COL21A1: variants seen among roughly 807,000 people sequenced by gnomAD.
COL21A1 encodes the protein collagen type XXI alpha 1 chain.
COL21A1 carries 149 observed loss-of-function variants against 137.9 expected under a neutral mutation model. The observed-to-expected ratio is 1.08, with a 90% CI of 0.95 to 1.24. The LOEUF is 1.24. COL21A1 is among the 50% of genes most tolerant of loss of function. The pLI, the probability that COL21A1 is intolerant of heterozygous loss-of-function variation, is 0.00. For missense variants in COL21A1, 1,167 were observed against 1,158.4 expected, an observed-to-expected ratio of 1.01 and a Z score of -0.11; for synonymous variants, 456 against 391.5, an observed-to-expected ratio of 1.16 and a Z score of -1.95.
At chr6:56,089,979 C>T (rs953534630) in intron 17 of COL21A1, among the ~76,000 whole-genome samples, 4 of 152,172 alleles carry the variant, frequency 2.6e-5, no homozygotes, top group South Asian at 4.1e-4. Context: ...CAGTGGCTCA[C>T]GCCTGTAATC....
At chr6:56,153,554 G>GAA (rs35787305) in intron 10 of COL21A1, among the ~76,000 whole-genome samples, 3 of 144,016 alleles carry the variant, frequency 2.1e-5, no homozygotes, top group Non-Finnish European at 3.1e-5. Flanking sequence ...ATATCTCTCA[G>GAA]AAAAAAAAAA....
At chr6:56,386,698 T>C (rs2094018986) in intron 1 of COL21A1, among the ~76,000 whole-genome samples, 1 of 152,220 alleles carries the variant, frequency 6.6e-6, no homozygotes, top group African/African-American at 2.4e-5. Context: ...ATTCTGAGCA[T>C]CTTTTTATGA....
intron 24 of COL21A1, among the ~76,000 whole-genome samples, chr6:56,062,104 T>G (rs1388730736): frequency 6.6e-6 from 1 of 152,134 alleles, no homozygotes. Flanking sequence ...TAAAATTAAA[T>G]TTTGATTGGT....
At chr6:56,154,022 C>T (rs1482584456) in intron 10 of COL21A1, among the ~76,000 whole-genome samples, 4 of 152,190 alleles carry the variant, frequency 2.6e-5, no homozygotes, top group Admixed American at 2.6e-4. Flanking sequence ...GGTTTGGATG[C>T]TTGCCCCCTT....
At chr6:56,325,552 T>TA (rs1765025048) in intron 1 of COL21A1, among the ~76,000 whole-genome samples, 1 of 16,098 alleles carries the variant, frequency 6.2e-5, no homozygotes, top group Non-Finnish European at 1.2e-4. Context: ...ATAATACATA[T>TA]ATAATATATA....
chr6:56,380,290 T>A (rs2094006678), intron 1 of COL21A1, among the ~76,000 whole-genome samples: 1 of 152,206 alleles, frequency 6.6e-6, no homozygotes, highest in African/African-American at 2.4e-5. Flanking sequence ...ATGCTTCTTA[T>A]ACAACCTGCA....
At chr6:56,338,316 C>G (rs939175115) in intron 1 of COL21A1, among the ~76,000 whole-genome samples, 28 of 152,114 alleles carry the variant, frequency 1.8e-4, no homozygotes, top group African/African-American at 6.5e-4. Context: ...GCACTTTTCT[C>G]TAACCCAGCT....
chr6:56,289,791 G>A (rs1307950612), intron 1 of COL21A1, among the ~76,000 whole-genome samples: 1 of 151,942 alleles, frequency 6.6e-6, no homozygotes, highest in Admixed American at 6.6e-5. Context: ...TGAGTTTTAG[G>A]TTAAATGAAG....
At chr6:56,219,212 G>A (rs979822295) in intron 1 of COL21A1, among the ~76,000 whole-genome samples, 2 of 63,348 alleles carry the variant, frequency 3.2e-5, no homozygotes, top group African/African-American at 1.8e-4. Flanking sequence ...AGCCAAACTT[G>A]CACCAAAAAA....
chr6:56,224,920 T>A (rs1418820555), intron 1 of COL21A1, among the ~76,000 whole-genome samples: 1 of 151,978 alleles, frequency 6.6e-6, no homozygotes. Flanking sequence ...ATCATCAAAC[T>A]CATGGTGATA....
intron 12 of COL21A1, 41 bp downstream of exon 12, chr6:56,141,744 G>A (rs1164593002): frequency 6.3e-7 from 1 of 1,594,154 alleles, no homozygotes; most frequent in South Asian, 1.1e-5. Flanking sequence ...CTTTATCTTT[G>A]AGGGACTAAC....
intron 12 of COL21A1, among the ~76,000 whole-genome samples, chr6:56,135,730 A>C (rs1163669568): frequency 6.6e-6 from 1 of 152,210 alleles, no homozygotes; most frequent in Non-Finnish European, 1.5e-5. Context: ...AGATTTCTTA[A>C]ATTTGATAAA....
rs1378461099 is a variant in COL21A1 at position 56,164,425 on chromosome 6, T to A, written c.1369A>T (p.Lys457Ter). Reference protein sequence around the residue: ...PPGKPGLQGPKGDPGLPGNPG... With the variant: ...PPGKPGLQGP ...ACAGCAAGTTAGGTGTTACCCACTTTGGGGCCTTGAAGTCCTGGTTTTCCC... is the reference window on the plus strand; with the variant it reads ...ACAGCAAGTTAGGTGTTACCCACTTAGGGGCCTTGAAGTCCTGGTTTTCCC... The change falls in exon 9 of 30, where the codon AAA becomes TAA. Residue 457 changes from lysine to a stop codon, truncating the protein, a stop_gained and splice_region_variant. Transcript: ENST00000244728. LOFTEE classifies it high-confidence loss of function. 1.3e-6 allele frequency: 2 copies of A among 1,576,678 alleles called. No homozygotes were observed. The highest frequency in any genetic ancestry group is 2.3e-5 in the East Asian group (1 of 43,540).
intron 3 of COL21A1, among the ~76,000 whole-genome samples, chr6:56,171,916 C>G (rs1777092942): frequency 6.6e-6 from 1 of 151,376 alleles, no homozygotes; most frequent in Admixed American, 6.6e-5. Flanking sequence ...CTTTAACAAG[C>G]AGAGGGAAAA....
chr6:56,272,601 G>T (rs1582748013), intron 1 of COL21A1, among the ~76,000 whole-genome samples: 1 of 152,124 alleles, frequency 6.6e-6, no homozygotes, highest in African/African-American at 2.4e-5. Flanking sequence ...GATGTGGCTT[G>T]GCTCTGTGTC....
At chr6:56,187,036 C>T (rs558363875) in intron 1 of COL21A1, among the ~76,000 whole-genome samples, 2 of 152,208 alleles carry the variant, frequency 1.3e-5, no homozygotes, top group African/African-American at 4.8e-5. Context: ...GTTGTTATAA[C>T]TCAATACCTG....
At chr6:56,353,172 C>T (rs1198454912) in intron 1 of COL21A1, among the ~76,000 whole-genome samples, 1 of 152,240 alleles carries the variant, frequency 6.6e-6, no homozygotes, top group African/African-American at 2.4e-5. Context: ...CATGGGCTGG[C>T]TTTAGTAGCT....
At chr6:56,338,996 C>A (rs1765402105) in intron 1 of COL21A1, among the ~76,000 whole-genome samples, 1 of 152,174 alleles carries the variant, frequency 6.6e-6, no homozygotes, top group South Asian at 2.1e-4. Context: ...TTTCTTGTCT[C>A]TAGTAGCCAT....
chr6:56,250,777 A>G (rs1480317475), upstream of COL21A1, among the ~76,000 whole-genome samples: 2 of 152,228 alleles, frequency 1.3e-5, no homozygotes, highest in Admixed American at 1.3e-4. Flanking sequence ...ATAAACCCAT[A>G]TATTCTAGCA....
Sources: gnomAD v4.1 joint callset for allele counts (sites outside exome capture counted in the v4.1 genomes callset) on GRCh38, gnomAD v4.1.1 for gene constraint, MANE v1.5 for transcripts, NCBI Gene and HGNC (gene_info 2026-07-23, HGNC 2026-07-21) for gene names.